Variants in SULT1C3 observed in about 807,000 individuals in gnomAD.
SULT1C3 encodes sulfotransferase family 1C member 3.
Under a neutral mutation model 28.4 loss-of-function variants are expected in SULT1C3, and 31 were observed. That is an observed-to-expected ratio of 1.09 (90% CI 0.82 to 1.47). The LOEUF (loss-of-function observed/expected upper bound fraction) is 1.47, where lower values mean the gene tolerates loss of function less well. Ranked by LOEUF, SULT1C3 falls within the 40% of genes most tolerant of loss-of-function variation. The pLI is 0.00. For synonymous variants in SULT1C3, 106 were observed against 92.2 expected, an observed-to-expected ratio of 1.15 and a Z score of -0.86; for missense variants, 307 against 272.5, an observed-to-expected ratio of 1.13 and a Z score of -0.89.
downstream of SULT1C3, among the ~76,000 whole-genome samples, chr2:108,261,106 T>G (rs772747236): frequency 2.6e-5 from 4 of 152,158 alleles, no homozygotes; most frequent in Non-Finnish European, 4.4e-5. Context: ...TATGTATAAA[T>G]AATAACTTCC....
At chr2:108,254,852 T>C (rs1675832195) in intron 4 of SULT1C3, among the ~76,000 whole-genome samples, 1 of 151,104 alleles carries the variant, frequency 6.6e-6, no homozygotes, top group African/African-American at 2.4e-5. Flanking sequence ...TGTATATATA[T>C]AGCAAAATCA....
intron 1 of SULT1C3, among the ~76,000 whole-genome samples, chr2:108,246,830 A>G (rs1216794807): frequency 1.3e-5 from 2 of 152,202 alleles, no homozygotes; most frequent in Admixed American, 1.3e-4. Context: ...CACATAACCC[A>G]TTATATTCCC....
chr2:108,263,244 ACT>A (rs772658889), downstream of SULT1C3, among the ~76,000 whole-genome samples: 9 of 152,048 alleles, frequency 5.9e-5, no homozygotes, highest in Non-Finnish European at 1.3e-4. Flanking sequence ...ACTGTTAAGA[ACT>A]CCTTTATTAT....
intron 2 of SULT1C3, among the ~76,000 whole-genome samples, chr2:108,248,294 G>A (rs1675637402): frequency 6.6e-6 from 1 of 152,048 alleles, no homozygotes. Context: ...CATGCCGAAG[G>A]GACAAGATTG....
chr2:108,259,039 T>C lies in SULT1C3; in HGVS notation c.695T>C (p.Ile232Thr). Residue 232 changes from isoleucine (I) to threonine (T), a missense_variant, in exon 7 of 8, where the codon ATT (isoleucine) becomes ACT (threonine). Physicochemically the swap from Ile to Thr is moderately conservative, Grantham distance 89. Transcript: ENST00000681802. ...TGGTCAGGTGATGTTATAAACAAGA[T>C]TGTCCACCATACCTCATTTGATGTA... ...KTWSGDVINK[I>T]VHHTSFDVMK... 1 of 669,580 alleles carries C rather than the reference T, an allele frequency of 1.5e-6. No homozygotes were observed. The allele number at this position is 669,580 out of a possible 1,614,324, so 41.5% of individuals were successfully genotyped here.
chr2:108,263,683 A>C (rs1676071846), downstream of SULT1C3, among the ~76,000 whole-genome samples: 2 of 152,182 alleles, frequency 1.3e-5, no homozygotes, highest in African/African-American at 4.8e-5. Context: ...AAGAAAGCAC[A>C]ACTTAGGTTT....
Position 108,252,489 on chromosome 2 carries a change from A to C in SULT1C3, c.297A>C (p.Lys99Asn). ...FLELKFPHKEKPDLEFVLEMS... is the reference protein window; with the variant it reads ...FLELKFPHKENPDLEFVLEMS... Reference sequence around the variant, plus strand: ...AACTGAAATTTCCCCATAAAGAAAAACCAGGTGAGTAATATGCACGAAGAT... The same window carrying C: ...AACTGAAATTTCCCCATAAAGAAAACCCAGGTGAGTAATATGCACGAAGAT... Residue 99 changes from lysine (K) to asparagine (N), a missense_variant, in exon 3 of 8, where the codon AAA (lysine) becomes AAC (asparagine). Coordinates refer to ENST00000681802, the MANE Select transcript of SULT1C3 (RefSeq NM_001320878.2). 2 of 1,611,988 alleles carry C rather than the reference A, an allele frequency of 1.2e-6. No homozygotes were observed. Among genetic ancestry groups the C allele is most frequent in the Non-Finnish European group, 1.7e-6 (2 of 1,178,746 alleles).
intron 2 of SULT1C3, among the ~76,000 whole-genome samples, chr2:108,249,586 A>C (rs774393919): frequency 1.3e-5 from 2 of 152,060 alleles, no homozygotes; most frequent in Non-Finnish European, 1.5e-5. Context: ...CATGATTTGA[A>C]AGTGAAAACA....
chr2:108,252,033 T>C (rs1198672182), intron 2 of SULT1C3, among the ~76,000 whole-genome samples: 2 of 151,784 alleles, frequency 1.3e-5, no homozygotes, highest in East Asian at 1.9e-4. Flanking sequence ...AGAGATTAAA[T>C]ACTAAAAGAT....
downstream of SULT1C3, among the ~76,000 whole-genome samples, chr2:108,262,160 C>G (rs1043491862): frequency 2.0e-5 from 3 of 152,060 alleles, no homozygotes; most frequent in Non-Finnish European, 2.9e-5. Flanking sequence ...AAAAGAGATT[C>G]CTTGATCACT....
chr2:108,264,479 G>A (rs371847340), downstream of SULT1C3, among the ~76,000 whole-genome samples: 29 of 152,174 alleles, frequency 1.9e-4, no homozygotes, highest in Non-Finnish European at 3.8e-4. Context: ...AGCCTTTCCT[G>A]TTCTCCCCCA....
chr2:108,253,087 C>T (rs1370358503), intron 3 of SULT1C3, among the ~76,000 whole-genome samples: 3 of 151,968 alleles, frequency 2.0e-5, no homozygotes, highest in Non-Finnish European at 2.9e-5. Context: ...ATATAACAAA[C>T]ATTCCCAGAA....
At chr2:108,261,424 T>C (rs1404970356), downstream of SULT1C3, among the ~76,000 whole-genome samples, 1 of 152,152 alleles carries the variant, frequency 6.6e-6, no homozygotes, top group Non-Finnish European at 1.5e-5. Context: ...TGCCATTCTC[T>C]TAATAAAGAG....
intron 1 of SULT1C3, among the ~76,000 whole-genome samples, chr2:108,243,306 T>G (rs1339118059): frequency 2.0e-5 from 3 of 152,208 alleles, no homozygotes; most frequent in East Asian, 1.9e-4. Context: ...GTTTATACTT[T>G]AAAACAAAGA....
chr2:108,251,208 T>A (rs1478117093), intron 2 of SULT1C3, among the ~76,000 whole-genome samples: 1 of 152,064 alleles, frequency 6.6e-6, no homozygotes, highest in Non-Finnish European at 1.5e-5. Context: ...GAGGGAAAGT[T>A]CTTTATATGA....
chr2:108,261,141 T>C (rs879864131), downstream of SULT1C3, among the ~76,000 whole-genome samples: 12 of 152,142 alleles, frequency 7.9e-5, no homozygotes, highest in Non-Finnish European at 1.8e-4. Context: ...GATAAGTACA[T>C]TTCAGAGTCA....
chr2:108,245,412 G>A (rs1010352803), intron 1 of SULT1C3, among the ~76,000 whole-genome samples: 1 of 152,188 alleles, frequency 6.6e-6, no homozygotes, highest in Non-Finnish European at 1.5e-5. Flanking sequence ...GATGGCCTAT[G>A]CTAAAGCATT....
At chr2:108,263,669 C>T (rs903976125), downstream of SULT1C3, among the ~76,000 whole-genome samples, 2 of 152,134 alleles carry the variant, frequency 1.3e-5, no homozygotes, top group Non-Finnish European at 2.9e-5. Context: ...GTTCACAGGG[C>T]TTTAAGAAAG....
At chr2:108,241,360 G>A (rs1675457738) in intron 1 of SULT1C3, among the ~76,000 whole-genome samples, 1 of 152,160 alleles carries the variant, frequency 6.6e-6, no homozygotes, top group South Asian at 2.1e-4. Context: ...TAATTCTAGA[G>A]GAACCAGGCA....
Sources: gnomAD v4.1 joint callset for allele counts (sites outside exome capture counted in the v4.1 genomes callset) on GRCh38, gnomAD v4.1.1 for gene constraint, MANE v1.5 for transcripts, NCBI Gene and HGNC (gene_info 2026-07-23, HGNC 2026-07-21) for gene names.